Variants in MGAT1 observed in about 807,000 individuals in gnomAD.
MGAT1 encodes alpha-1,3-mannosyl-glycoprotein 2-beta-N-acetylglucosaminyltransferase.
A neutral mutation model predicts 31.7 loss-of-function variants in MGAT1; 14 were observed. The observed-to-expected ratio is 0.44, with a 90% CI of 0.29 to 0.69. The LOEUF is 0.69. MGAT1 is among the 30% of genes least tolerant of loss of function. MGAT1 has a pLI of 0.12. For missense variants in MGAT1, 557 were observed against 626.0 expected (o/e 0.89, Z 1.18); for synonymous variants, 338 against 276.0 (o/e 1.22, Z -2.23).
chr5:180,791,884 T>A lies in MGAT1; in HGVS notation c.1088A>T (p.Tyr363Phe). ...AYDRDFLARVYGAPQLQVEKV... is the reference protein window; with the variant it reads ...AYDRDFLARVFGAPQLQVEKV... Reference sequence around the variant, plus strand: ...CTCCACCTGCAGCTGGGGAGCACCGTAGACGCGGGCGAGGAAATCTCGGTC... The same window carrying A: ...CTCCACCTGCAGCTGGGGAGCACCGAAGACGCGGGCGAGGAAATCTCGGTC... The change falls in exon 2 of 2, where the codon TAC (tyrosine) becomes TTC (phenylalanine). Residue 363 changes from tyrosine (Y) to phenylalanine (F), a missense_variant. Around this residue, in one of 3 missense-constraint regions of MGAT1, gnomAD observed 145 missense variants for 143.2 expected, o/e 1.01. Coordinates refer to ENST00000307826, the MANE Select transcript of MGAT1 (RefSeq NM_002406.4). 1.2e-6 allele frequency: 2 copies of A among 1,614,188 alleles called. No individual in the cohort carries two copies. Among genetic ancestry groups the A allele is most frequent in the Non-Finnish European group, 1.7e-6 (2 of 1,180,036 alleles).
chr5:180,788,825 A>G lies in MGAT1; in HGVS notation c.*2809T>C, dbSNP rs566124570. ...TGGAGCACTAAGTAAGTTGGTACTT[A>G]TCCTGGAGCACTAAGTTGGTACTTA... On this transcript the variant is annotated 3_prime_UTR_variant, in exon 2 of 2. Coordinates refer to ENST00000307826, the MANE Select transcript of MGAT1 (RefSeq NM_002406.4). The G allele has an allele frequency of 1.1e-4, 16 of 151,458 alleles. No individual in the cohort carries two copies. Among genetic ancestry groups the G allele is most frequent in the African/African-American group, 3.9e-4 (16 of 41,272 alleles). The allele number at this position is 151,458 out of a possible 1,614,324, so 9.4% of individuals were successfully genotyped here.
chr5:180,804,188 A>T (rs896651671), upstream of MGAT1, among the ~76,000 whole-genome samples: 3 of 152,202 alleles, frequency 2.0e-5, no homozygotes, highest in African/African-American at 7.2e-5. Context: ...AGCTCTGCGG[A>T]GTGAGCGTTA....
Position 180,792,721 on chromosome 5 carries a change from C to T in MGAT1, c.251G>A (p.Gly84Glu). 6.5e-7 allele frequency: 1 copy of T among 1,548,412 alleles called. No homozygotes were observed. The highest frequency in any genetic ancestry group is 8.7e-7 in the Non-Finnish European group (1 of 1,148,162). ...QIGDALSSQR[G>E]RVPTAAPPAQ... Reference sequence around the variant, plus strand: ...GGGAGGGGCCGCGGTGGGCACCCTCCCCCGCTGGCTCGACAGGGCATCCCC... The same window carrying T: ...GGGAGGGGCCGCGGTGGGCACCCTCTCCCGCTGGCTCGACAGGGCATCCCC... The change falls in exon 2 of 2, where the codon GGG becomes GAG. Residue 84 changes from glycine (G) to glutamate (E), a missense_variant. Physicochemically the swap from Gly to Glu is moderately conservative, Grantham distance 98. Coordinates refer to ENST00000307826, the MANE Select transcript of MGAT1 (RefSeq NM_002406.4).
intron 1 of MGAT1, among the ~76,000 whole-genome samples, chr5:180,794,752 T>C (rs1472048546): frequency 6.6e-6 from 1 of 152,086 alleles, no homozygotes; most frequent in Non-Finnish European, 1.5e-5. Flanking sequence ...GGCAGATCCT[T>C]CCTAACGTCC....
intron 1 of MGAT1, among the ~76,000 whole-genome samples, chr5:180,813,543 G>T (rs1317848479): frequency 6.6e-6 from 1 of 152,192 alleles, no homozygotes; most frequent in East Asian, 1.9e-4. Context: ...GTCTGGTCTT[G>T]CTGTACATAC....
At chr5:180,795,064 T>C (rs891818756) in intron 1 of MGAT1, among the ~76,000 whole-genome samples, 2 of 152,118 alleles carry the variant, frequency 1.3e-5, no homozygotes, top group Admixed American at 6.6e-5. Context: ...TATGGGTCTT[T>C]TTGGGAAAAA....
intron 1 of MGAT1, among the ~76,000 whole-genome samples, chr5:180,794,783 C>G (rs1418521321): frequency 3.9e-5 from 6 of 152,064 alleles, no homozygotes; most frequent in Non-Finnish European, 8.8e-5. Context: ...GAGCTAGTTC[C>G]CCAGGGATAA....
chr5:180,793,947 C>T (rs535970867), intron 1 of MGAT1, among the ~76,000 whole-genome samples: 68 of 152,310 alleles, frequency 4.5e-4, no homozygotes, highest in African/African-American at 1.6e-3. Flanking sequence ...TTGGTCAGGA[C>T]ATTTCAGCAT....
chr5:180,794,435 C>T (rs900540977), intron 1 of MGAT1, among the ~76,000 whole-genome samples: 9 of 138,214 alleles, frequency 6.5e-5, no homozygotes, highest in Middle Eastern at 4.1e-3. Context: ...ATATGGCATA[C>T]TACAAAACCT....
At chr5:180,796,752 C>T (rs1046615706) in intron 1 of MGAT1, among the ~76,000 whole-genome samples, 12 of 152,134 alleles carry the variant, frequency 7.9e-5, no homozygotes, top group Non-Finnish European at 1.6e-4. Context: ...TCTGGGATTA[C>T]AGGTGCCTGC....
At position 180,785,529 on chromosome 5, in the gene MGAT1, G is replaced by C. The variant is rs1767510937; in HGVS notation, c.*6105C>G. 6.6e-6 allele frequency: 1 copy of C among 152,290 alleles called. No homozygotes were observed. The highest frequency in any genetic ancestry group is 1.5e-5 in the Non-Finnish European group (1 of 68,082). 9.4% of individuals were successfully genotyped at this position (152,290 alleles called of 1,614,324 possible). A position where few individuals can be genotyped will look rare whatever the true frequency, so the allele number is the denominator to read the frequency against. The stretch of plus-strand genomic sequence containing the variant: ...CCACTCCCCAGAACCCTCCAGCAAG[G>C]GGCTCAGGGTAGTCAGATGTCTTCC... On this transcript the variant is annotated 3_prime_UTR_variant, in exon 2 of 2. Coordinates refer to ENST00000307826, the MANE Select transcript of MGAT1 (RefSeq NM_002406.4).
chr5:180,795,277 G>GTATATATATA (rs59231160), intron 1 of MGAT1: 6 of 141,908 alleles, frequency 4.2e-5, no homozygotes, highest in African/African-American at 1.3e-4. Context: ...ACTTTTACAG[G>GTATATATATA]TATATATATA....
rs1367440841 is a variant in MGAT1 at position 180,791,344 on chromosome 5, T to G, written c.*290A>C. Reference sequence around the variant, plus strand: ...CTCTGCACATGCTCCAGGAGAAAGCTCAGGACGTGGACATTTCTGGCCCCA... The same window carrying G: ...CTCTGCACATGCTCCAGGAGAAAGCGCAGGACGTGGACATTTCTGGCCCCA... On this transcript the variant is annotated 3_prime_UTR_variant, in exon 2 of 2. Coordinates refer to ENST00000307826, the MANE Select transcript of MGAT1 (RefSeq NM_002406.4). 4.0e-6 allele frequency: 2 copies of G among 499,232 alleles called. No individual in the cohort carries two copies. The highest frequency in any genetic ancestry group is 3.9e-5 in the African/African-American group (2 of 51,872). The allele number at this position is 499,232 out of a possible 1,614,324, so 30.9% of individuals were successfully genotyped here.
rs1481147897 is a variant in MGAT1 at position 180,792,665 on chromosome 5, G to T, written c.307C>A (p.Pro103Thr). 1.9e-6 allele frequency: 3 copies of T among 1,577,240 alleles called. No homozygotes were observed. The highest frequency in any genetic ancestry group is 1.3e-5 in the African/African-American group (1 of 74,162). ...ATGACCAGGATGGGAATCACCGCCG[G>T]CGCGGGGGTCACAGGCACACGCGGC... is the stretch of plus-strand genomic sequence containing the variant. ...AQPRVPVTPA[P>T]AVIPILVIAC... Residue 103 changes from proline to threonine, a missense_variant, in exon 2 of 2, where the codon CCG (proline) becomes ACG (threonine). Coordinates refer to ENST00000307826, the MANE Select transcript of MGAT1 (RefSeq NM_002406.4).
At chr5:180,813,245 C>A (rs905707870) in intron 1 of MGAT1, among the ~76,000 whole-genome samples, 1 of 152,140 alleles carries the variant, frequency 6.6e-6, no homozygotes, top group African/African-American at 2.4e-5. Context: ...TTTTTGTCAT[C>A]TTTGTTAATA....
chr5:180,800,962 G>C (rs1309064928), intron 1 of MGAT1, among the ~76,000 whole-genome samples: 1 of 152,222 alleles, frequency 6.6e-6, no homozygotes, highest in Non-Finnish European at 1.5e-5. Context: ...CCTTTAGGGA[G>C]GTGACACAGC....
At chr5:180,812,817 A>G (rs927892191) in intron 1 of MGAT1, among the ~76,000 whole-genome samples, 4 of 152,118 alleles carry the variant, frequency 2.6e-5, no homozygotes, top group Admixed American at 2.6e-4. Context: ...TCTCCTTTTC[A>G]CCATATAATT....
At chr5:180,793,179 A>T in intron 1 of MGAT1, 82 bp from the exon 2 acceptor site, 2 of 637,414 alleles carry the variant, frequency 3.1e-6, no homozygotes, top group Non-Finnish European at 5.3e-6. Flanking sequence ...TGGGGGCAGG[A>T]AAAGGCCAAG....
upstream of MGAT1, among the ~76,000 whole-genome samples, chr5:180,806,390 A>G (rs1246937527): frequency 6.6e-6 from 1 of 152,172 alleles, no homozygotes; most frequent in African/African-American, 2.4e-5. Context: ...CCCATGTGAA[A>G]AAGCCAATGG....
Sources: gnomAD v4.1 joint callset for allele counts (sites outside exome capture counted in the v4.1 genomes callset) on GRCh38, gnomAD v4.1.1 for gene constraint, gnomAD v4.1.1 regional missense constraint, MANE v1.5 for transcripts, NCBI Gene and HGNC (gene_info 2026-07-23, HGNC 2026-07-21) for gene names.